Variants in ETV6 observed in about 807,000 individuals in gnomAD.
The protein encoded by ETV6 is ETS variant transcription factor 6.
Under a neutral mutation model 51.1 loss-of-function variants are expected in ETV6, and 16 were observed. That is an observed-to-expected ratio of 0.31 (90% CI 0.21 to 0.48). ETV6 has a LOEUF of 0.48. ETV6 is among the 20% of genes least tolerant of loss of function. The pLI is 0.99. For missense variants in ETV6, 458 were observed against 594.8 expected (o/e 0.77, Z 2.39); for synonymous variants, 240 against 224.1 (o/e 1.07, Z -0.64).
At chr12:11,668,405 T>G (rs192544748) in intron 1 of ETV6, among the ~76,000 whole-genome samples, 50 of 152,214 alleles carry the variant, frequency 3.3e-4, no homozygotes, top group Admixed American at 7.2e-4. Context: ...GTTTTGTTTT[T>G]TTTTTTTAAA....
At chr12:11,855,066 C>T (rs1946610220) in intron 4 of ETV6, among the ~76,000 whole-genome samples, 1 of 150,086 alleles carries the variant, frequency 6.7e-6, no homozygotes, top group Admixed American at 6.7e-5. Context: ...GAGGCCGAGG[C>T]GGGCGGATCA....
intron 4 of ETV6, among the ~76,000 whole-genome samples, chr12:11,861,853 C>G (rs1277989919): frequency 6.6e-6 from 1 of 152,186 alleles, no homozygotes; most frequent in Non-Finnish European, 1.5e-5. Context: ...GAGGATTACC[C>G]AAACAGACCT....
chr12:11,857,654 C>T (rs1946651268), intron 4 of ETV6, among the ~76,000 whole-genome samples: 1 of 152,102 alleles, frequency 6.6e-6, no homozygotes, highest in Admixed American at 6.5e-5. Context: ...CAGGCAAAAC[C>T]AGAACCAGAA....
rs61921360 is a variant in ETV6, at chr12:11,874,241, G to A, written c.1009+4272G>A. 1.7e-3 allele frequency among the ~76,000 whole-genome samples: 251 copies of A among 144,078 alleles called. 40 individuals are homozygous for A. In the South Asian group the frequency reaches 0.054, roughly 31 times the overall value. The allele number at this position is 144,078 out of a possible 152,430, so 94.5% of individuals were successfully genotyped here. On this transcript the variant is annotated intron_variant, in intron 5 of 7. Transcript: ENST00000396373. ...AAAATACAAAAATTCGTCGGGCATG[G>A]TGGTGCACACCTGTAGTCCCAGCTA...
At chr12:11,888,467 C>A (rs1183553808) in intron 7 of ETV6, among the ~76,000 whole-genome samples, 1 of 149,154 alleles carries the variant, frequency 6.7e-6, no homozygotes, top group Non-Finnish European at 1.5e-5. Flanking sequence ...ACAATCTCGA[C>A]TCACTGGAAC....
chr12:11,693,630 G>C (rs924946107), intron 1 of ETV6, among the ~76,000 whole-genome samples: 1 of 152,120 alleles, frequency 6.6e-6, no homozygotes, highest in Admixed American at 6.5e-5. Context: ...TTCTGTCCAG[G>C]GTCTGGACCA....
chr12:11,669,765 A>G (rs908978885), intron 1 of ETV6, among the ~76,000 whole-genome samples: 1 of 152,156 alleles, frequency 6.6e-6, no homozygotes, highest in Non-Finnish European at 1.5e-5. Flanking sequence ...ATATAAAATA[A>G]TCTTGGTCCT....
At chr12:11,860,937 T>C (rs1859564549) in intron 4 of ETV6, among the ~76,000 whole-genome samples, 1 of 152,192 alleles carries the variant, frequency 6.6e-6, no homozygotes, top group Non-Finnish European at 1.5e-5. Context: ...CAAGAACACC[T>C]TTGAGGATTC....
At chr12:11,743,615 T>G (rs1028511790) in intron 1 of ETV6, among the ~76,000 whole-genome samples, 1 of 152,222 alleles carries the variant, frequency 6.6e-6, no homozygotes, top group African/African-American at 2.4e-5. Context: ...AATGAGAATA[T>G]AAATCTTCTC....
chr12:11,788,756 G>GT (rs1336998892), intron 2 of ETV6, among the ~76,000 whole-genome samples: 7,810 of 102,380 alleles, frequency 0.076, 266 homozygotes, highest in Non-Finnish European at 0.086. Flanking sequence ...GCTTGTATTG[G>GT]TTTTTTTTTT....
chr12:11,661,853 G>A (rs754655787), intron 1 of ETV6, among the ~76,000 whole-genome samples: 13 of 152,322 alleles, frequency 8.5e-5, no homozygotes, highest in Admixed American at 3.3e-4. Flanking sequence ...GTGAGGAGAT[G>A]AGGGTGTGCT....
At chr12:11,768,020 A>G (rs1278960309) in intron 2 of ETV6, among the ~76,000 whole-genome samples, 1 of 152,034 alleles carries the variant, frequency 6.6e-6, no homozygotes, top group African/African-American at 2.4e-5. Flanking sequence ...AACACTCAGG[A>G]TATTTCCAAA....
At chr12:11,809,459 A>T (rs1945879053) in intron 2 of ETV6, among the ~76,000 whole-genome samples, 1 of 152,214 alleles carries the variant, frequency 6.6e-6, no homozygotes, top group African/African-American at 2.4e-5. Flanking sequence ...GAGGAGAATG[A>T]TATGGATAGT....
intron 1 of ETV6, among the ~76,000 whole-genome samples, chr12:11,742,413 A>G (rs547840661): frequency 2.6e-5 from 4 of 152,330 alleles, no homozygotes; most frequent in South Asian, 4.1e-4. Flanking sequence ...GGAAATTTCT[A>G]TGATATTTGA....
At chr12:11,737,381 A>C (rs1865724338) in intron 1 of ETV6, among the ~76,000 whole-genome samples, 1 of 152,262 alleles carries the variant, frequency 6.6e-6, no homozygotes, top group African/African-American at 2.4e-5. Context: ...CGTTTATGCA[A>C]CTAAAAAGTG....
chr12:11,845,740 C>G (rs1213217840), intron 3 of ETV6, among the ~76,000 whole-genome samples: 1 of 152,068 alleles, frequency 6.6e-6, no homozygotes, highest in Non-Finnish European at 1.5e-5. Flanking sequence ...CACCTGTAAT[C>G]CCAGCACTTA....
intron 3 of ETV6, among the ~76,000 whole-genome samples, chr12:11,840,069 G>A (rs1437297718): frequency 6.6e-6 from 1 of 152,142 alleles, no homozygotes; most frequent in Non-Finnish European, 1.5e-5. Flanking sequence ...TAGTAGCCAA[G>A]GCCAGTTTAG....
At chr12:11,872,252 A>C (rs1301582468) in intron 5 of ETV6, among the ~76,000 whole-genome samples, 3 of 152,166 alleles carry the variant, frequency 2.0e-5, no homozygotes, top group Non-Finnish European at 4.4e-5. Context: ...CCCATGACCG[A>C]GGTGTGCAGG....
rs542669697 is a variant in ETV6 at position 11,720,909 on chromosome 12, G to A, written c.34-31541G>A. The stretch of plus-strand genomic sequence containing the variant: ...ATAACTCCATTAAAAAATGGGCAAA[G>A]GGCATGAACAGACACCTCTTAAAAG... On this transcript the variant is annotated intron_variant, in intron 1 of 7. Transcript: ENST00000396373. Among the ~76,000 whole-genome samples the A allele has an allele frequency of 3.3e-5, 5 of 152,192 alleles. No individual in the cohort carries two copies. The South Asian group carries it at 1.0e-3, about 32-fold the overall frequency.
Sources: allele counts gnomAD v4.1 joint callset (sites outside exome capture counted in the v4.1 genomes callset), GRCh38; gene constraint gnomAD v4.1.1; transcripts MANE v1.5; gene names NCBI Gene and HGNC (gene_info 2026-07-23, HGNC 2026-07-21).